Variants in CCDC154 observed in about 807,000 individuals in gnomAD.
CCDC154 encodes the protein coiled-coil domain containing 154.
In CCDC154, 91 loss-of-function variants were observed where a neutral mutation model predicts 87.5. The ratio of observed to expected loss-of-function variants is 1.04; its 90% CI spans 0.88 to 1.24. CCDC154 has a LOEUF of 1.24. Among genes scored for constraint, CCDC154 ranks in the 50% most tolerant of loss-of-function variants. The probability of loss-of-function intolerance (pLI) is 0.00; values close to 1 mark genes in which losing one functional copy is unlikely to be tolerated. For synonymous variants in CCDC154, 418 were observed against 400.4 expected, an observed-to-expected ratio of 1.04 and a Z score of -0.52; for missense variants, 903 against 879.2, an observed-to-expected ratio of 1.03 and a Z score of -0.34.
intron 6 of CCDC154, among the ~76,000 whole-genome samples, chr16:1,440,415 A>G (rs1040706521): frequency 6.6e-6 from 1 of 151,788 alleles, no homozygotes; most frequent in African/African-American, 2.4e-5. Flanking sequence ...ACGCCACTGC[A>G]CTCCAGCCTG....
rs772787233 is a variant in CCDC154, at chr16:1,434,853, C to G, written c.1693-1G>C. 2 of 1,498,162 alleles carry G rather than the reference C, an allele frequency of 1.3e-6. No individual in the cohort carries two copies. Among genetic ancestry groups the G allele is most frequent in the Non-Finnish European group, 1.8e-6 (2 of 1,125,122 alleles). 92.8% of individuals were successfully genotyped at this position (1,498,162 alleles called of 1,614,324 possible). A position where few individuals can be genotyped will look rare whatever the true frequency, so the allele number is the denominator to read the frequency against. On this transcript the variant is annotated splice_acceptor_variant, in intron 15 of 16. Coordinates refer to ENST00000389176, the MANE Select transcript of CCDC154 (RefSeq NM_001143980.3). LOFTEE classifies it high-confidence loss of function. ...ACAGGGTGGCCATCTCCTGCGTGCG[C>G]TGTGGGACGGGGATGCTGGTGTCAC...
rs1447970144 is a variant in CCDC154 at position 1,439,112 on chromosome 16, C to G, written c.690G>C (p.Lys230Asn). ...EVARMQAQVTKLGEEVSLRFL... is the reference protein window; with the variant it reads ...EVARMQAQVTNLGEEVSLRFL... ...AGCGCAGGCTCACCTCTTCGCCGAG[C>G]TTGGTCACCTGGGCCTGGGGCGGAG... Residue 230 changes from lysine (K) to asparagine (N), a missense_variant, in exon 7 of 17, where the codon AAG becomes AAC. By Grantham distance (94) the Lys-to-Asn change is moderately conservative (BLOSUM62 0). Transcript: ENST00000389176. 6.5e-7 allele frequency: 1 copy of G among 1,550,146 alleles called. No homozygotes were observed. The highest frequency in any genetic ancestry group is 2.0e-5 in the Admixed American group (1 of 50,990).
chr16:1,434,619 A>G (rs1238153170), intron 16 of CCDC154, 49 bp downstream of exon 16: 1 of 1,535,138 alleles, frequency 6.5e-7, no homozygotes, highest in East Asian at 2.5e-5. Flanking sequence ...CCAGCCCTGA[A>G]CCCCGGCCCA....
At position 1,437,898 on chromosome 16, in the gene CCDC154, T is replaced by C; in HGVS notation, c.1209A>G (p.Leu403=). ...CCGGGAGATGGCCACTCAGCTCCTT[T>C]AACTGCCCGGCCAGCTGCGCCACGG... The part of the protein sequence containing the change: ...EASVAQLAGQ[L]KELSGHLPAL... The change falls in exon 11 of 17, where the codon TTA becomes TTG. Residue 403 remains leucine, a synonymous_variant. Coordinates refer to ENST00000389176, the MANE Select transcript of CCDC154 (RefSeq NM_001143980.3). 6.5e-7 allele frequency: 1 copy of C among 1,546,544 alleles called. No individual in the cohort carries two copies. The highest frequency in any genetic ancestry group is 8.7e-7 in the Non-Finnish European group (1 of 1,146,528).
At chr16:1,436,651 C>A in intron 12 of CCDC154, 41 bp downstream of exon 12, 1 of 1,548,182 alleles carries the variant, frequency 6.5e-7, no homozygotes. Flanking sequence ...ACGCCACCTC[C>A]AAGGCCCAAG....
At chr16:1,439,380 G>C (rs901230720) in intron 6 of CCDC154, 1 of 524,600 alleles carries the variant, frequency 1.9e-6, no homozygotes, top group South Asian at 2.6e-5. Context: ...AGACACACTT[G>C]GCACCCACCA....
chr16:1,438,443 G>A, intron 9 of CCDC154, 176 bp downstream of exon 9: 2 of 729,634 alleles, frequency 2.7e-6, no homozygotes, highest in South Asian at 1.9e-5. Context: ...GTGAGGGACA[G>A]GAGGCCCCAC....
intron 6 of CCDC154, chr16:1,439,449 T>A: frequency 2.6e-6 from 1 of 389,812 alleles, no homozygotes; most frequent in Non-Finnish European, 4.7e-6. Flanking sequence ...GAAGCAGGAG[T>A]GTCGTGCAGG....
chr16:1,437,175 T>TGC (rs1410049988), intron 11 of CCDC154: 1 of 302,092 alleles, frequency 3.3e-6, no homozygotes, highest in Non-Finnish European at 6.3e-6. Flanking sequence ...GCCTACGCAA[T>TGC]GCACGTTACG....
In CCDC154 at chr16:1,443,953, G is replaced by A. The variant is rs2038584918; in HGVS notation, c.67C>T (p.Leu23=). The part of the protein sequence containing the change: ...SAPSQLRAVT[L]EDLGLLLAGG... The stretch of plus-strand genomic sequence containing the variant: ...GCCAGGAGGAGCCCCAGGTCTTCCA[G>A]GGTGACGGCTCTCAGCTGGGAAGGG... The change falls in exon 2 of 17, where the codon CTG becomes TTG. Residue 23 remains leucine, a synonymous_variant. Coordinates refer to ENST00000389176, the MANE Select transcript of CCDC154 (RefSeq NM_001143980.3). 1 of 1,303,610 alleles carries A rather than the reference G, an allele frequency of 7.7e-7. No homozygotes were observed. The highest frequency in any genetic ancestry group is 5.5e-5 in the East Asian group (1 of 18,026). 80.8% of individuals were successfully genotyped at this position (1,303,610 alleles called of 1,614,324 possible).
chr16:1,438,352 G>A (rs1337537802), intron 9 of CCDC154, 176 bp from the exon 10 acceptor site: 5 of 845,834 alleles, frequency 5.9e-6, no homozygotes, highest in East Asian at 5.5e-5. Context: ...CCACCAAGAT[G>A]GGCGTTCACT....
chr16:1,434,926 C>T, intron 15 of CCDC154, 74 bp from the exon 16 acceptor site: 1 of 1,443,460 alleles, frequency 6.9e-7, no homozygotes, highest in Non-Finnish European at 9.1e-7. Context: ...GGGCTTATCT[C>T]CCACCGGGAG....
At chr16:1,442,684 G>T (rs1442568407) in intron 5 of CCDC154, among the ~76,000 whole-genome samples, 155 bp from the exon 6 acceptor site, 1 of 152,218 alleles carries the variant, frequency 6.6e-6, no homozygotes, top group Non-Finnish European at 1.5e-5. Context: ...CGGTGGCAGG[G>T]AAGGGCTGCT....
In CCDC154 at chr16:1,434,652, G is replaced by A; in HGVS notation, c.1877+16C>T. 1 of 1,543,632 alleles carries A rather than the reference G, an allele frequency of 6.5e-7. No individual in the cohort carries two copies. Among genetic ancestry groups the A allele is most frequent in the Non-Finnish European group, 8.7e-7 (1 of 1,146,304 alleles). On this transcript the variant is annotated intron_variant, in intron 16 of 16. Transcript: ENST00000389176. ...CCAAAGGCCCAGGAGGCCGCGCCGG[G>A]ATCCCTGCTGCCCACCTCACAGCCT...
Position 1,439,886 on chromosome 16 carries a change from G to A in CCDC154, c.676-760C>T, listed in dbSNP as rs140027384. ...TTTACAAAAACAAGCAGTGACTGGCGCAATGACTCACTCCCACTTTGGGAG... is the reference window on the plus strand; with the variant it reads ...TTTACAAAAACAAGCAGTGACTGGCACAATGACTCACTCCCACTTTGGGAG... On this transcript the variant is annotated intron_variant, in intron 6 of 16. Coordinates refer to ENST00000389176, the MANE Select transcript of CCDC154 (RefSeq NM_001143980.3). Among the ~76,000 whole-genome samples, 278 of 152,190 alleles carry A rather than the reference G, an allele frequency of 1.8e-3. 1 individual carries two copies. The highest frequency in any genetic ancestry group is 2.7e-3 in the Non-Finnish European group (186 of 68,016).
chr16:1,444,500 C>G lies in CCDC154; in HGVS notation c.-178G>C. On this transcript the variant is annotated 5_prime_UTR_variant, in exon 1 of 17. Transcript: ENST00000389176. Reference sequence around the variant, plus strand: ...CGTCTGGCTGCCTTCTCAGGGTCCCCAGGGAGGCAGGTGTGGGGCAGCGGG... The same window carrying G: ...CGTCTGGCTGCCTTCTCAGGGTCCCGAGGGAGGCAGGTGTGGGGCAGCGGG... 3.9e-6 allele frequency: 2 copies of G among 510,696 alleles called. No homozygotes were observed. The highest frequency in any genetic ancestry group is 6.2e-6 in the Non-Finnish European group (2 of 324,228). The allele number at this position is 510,696 out of a possible 1,614,324, so 31.6% of individuals were successfully genotyped here.
Position 1,443,987 on chromosome 16 carries a change from C to A in CCDC154, c.33G>T (p.Gly11=). The A allele has an allele frequency of 7.7e-7, 1 of 1,301,378 alleles. No individual in the cohort carries two copies. Among genetic ancestry groups the A allele is most frequent in the Non-Finnish European group, 1.0e-6 (1 of 988,918 alleles). 80.6% of individuals were successfully genotyped at this position (1,301,378 alleles called of 1,614,324 possible). MSELADSGPS[G]ASAPSQLRAV... ...CTCTCAGCTGGGAAGGGGCCGATGC[C>A]CCTGAGGGTCCACTGTCAGCCAACT... Residue 11 remains glycine, a synonymous_variant, in exon 2 of 17, where the codon GGG becomes GGT. Transcript: ENST00000389176.
chr16:1,437,542 C>A, intron 11 of CCDC154: 1 of 438,338 alleles, frequency 2.3e-6, no homozygotes, highest in Non-Finnish European at 4.0e-6. Context: ...TCTGCCCCGC[C>A]GTGAGCTGCC....
chr16:1,437,740 G>C (rs1270698738), intron 11 of CCDC154, 77 bp downstream of exon 11: 11 of 1,446,988 alleles, frequency 7.6e-6, no homozygotes, highest in Non-Finnish European at 1.0e-5. Flanking sequence ...TCTACCCTGG[G>C]GGCAGTGGTG....
Sources: allele counts gnomAD v4.1 joint callset (sites outside exome capture counted in the v4.1 genomes callset), GRCh38; gene constraint gnomAD v4.1.1; transcripts MANE v1.5; gene names NCBI Gene and HGNC (gene_info 2026-07-23, HGNC 2026-07-21).